The following CPNE4 variants were observed in gnomAD, a reference collection of about 807,000 sequenced individuals.
The protein encoded by CPNE4 is copine 4, also known as copine-4.
In CPNE4, 25 loss-of-function variants were observed where a neutral mutation model predicts 67.9. The ratio of observed to expected loss-of-function variants is 0.37; its 90% confidence interval spans 0.27 to 0.51. CPNE4 has a LOEUF of 0.51. Ranked by LOEUF, CPNE4 falls within the 20% of genes least tolerant of loss-of-function variation. The pLI, the probability that CPNE4 is intolerant of heterozygous loss-of-function variation, is 0.93. For synonymous variants in CPNE4, 242 were observed against 244.9 expected, an observed-to-expected ratio of 0.99 and a Z score of 0.11; for missense variants, 464 against 690.8, an observed-to-expected ratio of 0.67 and a Z score of 3.68.
At chr3:131,859,501 T>C (rs2086588107) in intron 2 of CPNE4, among the ~76,000 whole-genome samples, 1 of 152,146 alleles carries the variant, frequency 6.6e-6, no homozygotes, top group South Asian at 2.1e-4. Flanking sequence ...CTATCTCAGC[T>C]ACACATTAGA....
chr3:131,933,765 T>C (rs1289191614), intron 1 of CPNE4, among the ~76,000 whole-genome samples: 2 of 149,616 alleles, frequency 1.3e-5, no homozygotes, highest in Non-Finnish European at 3.0e-5. Context: ...TTATGCTAAG[T>C]GAAATAAGCC....
chr3:131,655,002 T>A (rs543077234), intron 7 of CPNE4, among the ~76,000 whole-genome samples: 98 of 152,138 alleles, frequency 6.4e-4, no homozygotes, highest in African/African-American at 2.3e-3. Flanking sequence ...TGGGAAAGAG[T>A]CTTTGAGTAA....
intron 1 of CPNE4, among the ~76,000 whole-genome samples, chr3:131,951,870 T>C (rs1022601075): frequency 6.6e-6 from 1 of 152,110 alleles, no homozygotes; most frequent in African/African-American, 2.4e-5. Context: ...CAGTGGTCAA[T>C]GGTGCCCAGG....
At chr3:131,810,126 G>C (rs552540345) in intron 2 of CPNE4, among the ~76,000 whole-genome samples, 1 of 151,964 alleles carries the variant, frequency 6.6e-6, no homozygotes, top group Non-Finnish European at 1.5e-5. Context: ...TAGGGGAAAG[G>C]CTTCTTGACA....
chr3:131,587,215 G>T (rs1157959214), intron 8 of CPNE4, among the ~76,000 whole-genome samples: 2 of 152,146 alleles, frequency 1.3e-5, no homozygotes, highest in Non-Finnish European at 1.5e-5. Context: ...GGCTACACAG[G>T]TAAAGGAAGT....
At chr3:131,984,008 T>C (rs1972334) in intron 1 of CPNE4, among the ~76,000 whole-genome samples, 148,352 of 152,306 alleles carry the variant, frequency 0.97, 72,308 homozygotes, top group African/African-American at 0.99. Context: ...ACCAGAAGCA[T>C]TTTGCCCTTC....
intron 5 of CPNE4, among the ~76,000 whole-genome samples, chr3:131,695,289 T>C (rs545673983): frequency 6.6e-6 from 1 of 152,250 alleles, no homozygotes; most frequent in East Asian, 1.9e-4. Context: ...GTACAGCCAA[T>C]GGTGGGAATA....
At chr3:131,542,447 G>A in intron 15 of CPNE4, 110 bp downstream of exon 15, 1 of 801,744 alleles carries the variant, frequency 1.2e-6, no homozygotes, top group Non-Finnish European at 2.2e-6. Context: ...CATAGCTGGT[G>A]TTGCTTCAAG....
At chr3:131,912,766 G>C (rs948757230) in intron 1 of CPNE4, among the ~76,000 whole-genome samples, 3 of 152,092 alleles carry the variant, frequency 2.0e-5, no homozygotes, top group Non-Finnish European at 4.4e-5. Flanking sequence ...TCATACTCTG[G>C]AGCAGTGCAT....
chr3:131,564,189 G>C, intron 11 of CPNE4, 27 bp downstream of exon 11: 1 of 1,612,130 alleles, frequency 6.2e-7, no homozygotes, highest in Non-Finnish European at 8.5e-7. Context: ...GAGATGATAA[G>C]GCTCCAAATG....
intron 2 of CPNE4, among the ~76,000 whole-genome samples, chr3:131,727,367 G>T (rs1421462209): frequency 3.9e-5 from 6 of 152,022 alleles, no homozygotes; most frequent in Admixed American, 3.3e-4. Flanking sequence ...GGCCGAGGAG[G>T]GTGGATCACA....
chr3:131,870,062 A>C (rs1301312536), intron 2 of CPNE4, among the ~76,000 whole-genome samples: 1 of 152,164 alleles, frequency 6.6e-6, no homozygotes, highest in African/African-American at 2.4e-5. Flanking sequence ...AAGGTTCCTC[A>C]AGGAAATGAC....
intron 2 of CPNE4, among the ~76,000 whole-genome samples, chr3:131,821,255 C>A (rs544123975): frequency 1.3e-5 from 2 of 152,248 alleles, no homozygotes; most frequent in African/African-American, 2.4e-5. Flanking sequence ...TGGTTGCAAG[C>A]AATAGAAACT....
intron 2 of CPNE4, among the ~76,000 whole-genome samples, chr3:131,785,663 TTCTCTCTTTCTCTC>T (rs1280215924): frequency 4.1e-5 from 4 of 96,554 alleles, no homozygotes; most frequent in African/African-American, 7.7e-5. Context: ...CTCTCTCTCT[TTCTCTCTTTCTCTC>T]TCTCTCTCTC....
chr3:131,720,058 A>G (rs1020635996), intron 3 of CPNE4, among the ~76,000 whole-genome samples: 1 of 152,160 alleles, frequency 6.6e-6, no homozygotes, highest in African/African-American at 2.4e-5. Flanking sequence ...AACAGCTACA[A>G]GAGTGGGTGA....
chr3:131,899,486 G>A (rs1434886263), intron 2 of CPNE4, among the ~76,000 whole-genome samples: 1 of 152,118 alleles, frequency 6.6e-6, no homozygotes, highest in East Asian at 1.9e-4. Context: ...ACAACAGAAA[G>A]GCCACCAGAT....
At chr3:131,681,775 G>C (rs1048308195) in intron 6 of CPNE4, among the ~76,000 whole-genome samples, 2 of 151,760 alleles carry the variant, frequency 1.3e-5, no homozygotes, top group Non-Finnish European at 2.9e-5. Context: ...TTGTCCTTTT[G>C]AGGCTATTTT....
At chr3:131,977,872 A>T (rs1427951725) in intron 1 of CPNE4, among the ~76,000 whole-genome samples, 1 of 150,810 alleles carries the variant, frequency 6.6e-6, no homozygotes. Context: ...CCACTGTGTC[A>T]TTCTTATGCC....
intron 15 of CPNE4, 127 bp downstream of exon 15, chr3:131,542,430 T>G (rs1559867923): frequency 2.7e-6 from 2 of 739,662 alleles, no homozygotes; most frequent in African/African-American, 3.4e-5. Context: ...AGCAAGGGTA[T>G]GTAGAGCATA....
Sources: allele counts gnomAD v4.1 joint callset (sites outside exome capture counted in the v4.1 genomes callset), GRCh38; gene constraint gnomAD v4.1.1; transcripts MANE v1.5; gene names NCBI Gene and HGNC (gene_info 2026-07-23, HGNC 2026-07-21).